Variants in SIPA1L2 observed in about 807,000 individuals in gnomAD.
The protein encoded by SIPA1L2 is signal-induced proliferation-associated 1-like protein 2.
A neutral mutation model predicts 163.9 loss-of-function variants in SIPA1L2; 56 were observed. The ratio of observed to expected loss-of-function variants is 0.34; its 90% CI spans 0.28 to 0.43. The LOEUF (loss-of-function observed/expected upper bound fraction) is 0.43, where lower values mean the gene tolerates loss of function less well. SIPA1L2 is among the 20% of genes least tolerant of loss of function. SIPA1L2 has a pLI of 1.00. For missense variants in SIPA1L2, 1,974 were observed against 2,193.5 expected (o/e 0.90, Z 2.00); for synonymous variants, 877 against 865.7 (o/e 1.01, Z -0.23).
At chr1:232,524,308 A>AC (rs1363604307) in intron 2 of SIPA1L2, among the ~76,000 whole-genome samples, 2 of 152,098 alleles carry the variant, frequency 1.3e-5, no homozygotes, top group Non-Finnish European at 2.9e-5. Context: ...ATAGTATACC[A>AC]CTTCTGACCA....
At chr1:232,480,601 G>A (rs917170032) in intron 6 of SIPA1L2, among the ~76,000 whole-genome samples, 2 of 152,106 alleles carry the variant, frequency 1.3e-5, no homozygotes, top group Non-Finnish European at 2.9e-5. Context: ...TAATTTTGGA[G>A]TAAAGTTCTG....
chr1:232,514,989 C>G lies in SIPA1L2; in HGVS notation c.351G>C (p.Gly117=), dbSNP rs767727300. Residue 117 remains glycine (G), a synonymous_variant, in exon 3 of 23, where the codon GGG becomes GGC. Coordinates refer to ENST00000674635, the MANE Select transcript of SIPA1L2 (RefSeq NM_020808.5). ...YESITSVLQN[G]QSDQSEGQQD... ...GCTGACCTTCACTCTGGTCACTCTG[C>G]CCATTCTGCAGGACAGAAGTGATGC... The G allele has an allele frequency of 1.9e-6, 3 of 1,614,152 alleles. No homozygotes were observed. In the South Asian group the frequency reaches 3.3e-5, roughly 18 times the overall value.
chr1:232,599,952 T>G (rs1483783037), intron 1 of SIPA1L2, among the ~76,000 whole-genome samples: 4 of 152,248 alleles, frequency 2.6e-5, no homozygotes, highest in African/African-American at 9.6e-5. Context: ...GATGAAAAAT[T>G]TAGCAACTAA....
Position 232,443,583 on chromosome 1 carries a change from A to C in SIPA1L2, c.3437+19T>G. 1 of 1,552,392 alleles carries C rather than the reference A, an allele frequency of 6.4e-7. No homozygotes were observed. Among genetic ancestry groups the C allele is most frequent in the Admixed American group, 1.9e-5 (1 of 51,658 alleles). Reference sequence around the variant, plus strand: ...ACAGGTTCCTCCCAGTGGATAACTAAGATAAAAATGAACAGTACCCGTCGT... The same window carrying C: ...ACAGGTTCCTCCCAGTGGATAACTACGATAAAAATGAACAGTACCCGTCGT... On this transcript the variant is annotated intron_variant, in intron 12 of 22. Coordinates refer to ENST00000674635, the MANE Select transcript of SIPA1L2 (RefSeq NM_020808.5).
intron 2 of SIPA1L2, among the ~76,000 whole-genome samples, chr1:232,550,735 A>G (rs1198241988): frequency 6.6e-6 from 1 of 152,244 alleles, no homozygotes; most frequent in East Asian, 1.9e-4. Flanking sequence ...GAGGTGATGC[A>G]TTTCATTGAG....
At chr1:232,403,671 C>A (rs1319587930) in intron 20 of SIPA1L2, 100 bp from the exon 21 acceptor site, 1 of 1,427,180 alleles carries the variant, frequency 7.0e-7, no homozygotes, top group East Asian at 2.4e-5. Context: ...TCTTTTCCCC[C>A]CTTCAAACCA....
At position 232,550,166 on chromosome 1, in the gene SIPA1L2, G is replaced by A. The variant is rs537453849; in HGVS notation, c.-270+24008C>T. 3.1e-4 allele frequency among the ~76,000 whole-genome samples: 47 copies of A among 152,260 alleles called. No homozygotes were observed. The South Asian group carries it at 9.5e-3, about 31-fold the overall frequency. On this transcript the variant is annotated intron_variant, in intron 2 of 22. Coordinates refer to ENST00000674635, the MANE Select transcript of SIPA1L2 (RefSeq NM_020808.5). The stretch of plus-strand genomic sequence containing the variant: ...ATGCTACTTCATTAGTTTACCAAAT[G>A]GCATCTTGCTATATTCAAAGGAGAG...
chr1:232,600,801 T>G (rs1661556873), intron 1 of SIPA1L2, among the ~76,000 whole-genome samples: 1 of 152,024 alleles, frequency 6.6e-6, no homozygotes, highest in South Asian at 2.1e-4. Context: ...CCAGGAAAAC[T>G]CATGGAAGCC....
chr1:232,488,975 C>A (rs977704114), intron 5 of SIPA1L2, among the ~76,000 whole-genome samples: 2 of 152,166 alleles, frequency 1.3e-5, no homozygotes, highest in Non-Finnish European at 2.9e-5. Context: ...TTACATCAGT[C>A]AACTTGTAGC....
At chr1:232,602,651 A>G (rs540070651) in intron 1 of SIPA1L2, among the ~76,000 whole-genome samples, 106 of 152,276 alleles carry the variant, frequency 7.0e-4, no homozygotes, top group African/African-American at 2.5e-3. Context: ...TTATTTAAGC[A>G]GGGAAGGCTC....
chr1:232,576,551 A>G (rs910035357), intron 1 of SIPA1L2, among the ~76,000 whole-genome samples: 3 of 152,230 alleles, frequency 2.0e-5, no homozygotes, highest in African/African-American at 7.2e-5. Context: ...TAGGCCAATT[A>G]ATAACCATAC....
chr1:232,627,144 C>T (rs1394544792), intron 1 of SIPA1L2, among the ~76,000 whole-genome samples: 2 of 152,162 alleles, frequency 1.3e-5, no homozygotes, highest in Non-Finnish European at 2.9e-5. Flanking sequence ...TCCTCAACTA[C>T]CACCATAAAT....
intron 2 of SIPA1L2, among the ~76,000 whole-genome samples, chr1:232,549,756 T>C (rs1658267108): frequency 6.6e-6 from 1 of 152,196 alleles, no homozygotes; most frequent in Admixed American, 6.5e-5. Context: ...TGATCCAACT[T>C]ACATTTCAAG....
intron 1 of SIPA1L2, among the ~76,000 whole-genome samples, chr1:232,577,123 T>C (rs893354197): frequency 2.0e-5 from 3 of 152,230 alleles, no homozygotes; most frequent in Non-Finnish European, 2.9e-5. Context: ...TTAATGCAGC[T>C]GGTGACTTTA....
rs371555680 is a variant in SIPA1L2, at chr1:232,493,551, G to A, written c.1593C>T (p.Tyr531=). The A allele has an allele frequency of 5.6e-6, 9 of 1,613,982 alleles. No individual in the cohort carries two copies. The highest frequency in any genetic ancestry group is 1.3e-5 in the African/African-American group (1 of 74,922). The change falls in exon 4 of 23, where the codon TAC becomes TAT. Residue 531 remains tyrosine (Y), a synonymous_variant. Coordinates refer to ENST00000674635, the MANE Select transcript of SIPA1L2 (RefSeq NM_020808.5). Reference sequence around the variant, plus strand: ...CCTCACTTGTCCTGAAAGCCACCCTGTAGTTGAACTGGGATCCTTCTTTCT... The same window carrying A: ...CCTCACTTGTCCTGAAAGCCACCCTATAGTTGAACTGGGATCCTTCTTTCT... ...AKEKEGSQFN[Y]RVAFRTSELT...
chr1:232,491,052 A>T lies in SIPA1L2; in HGVS notation c.1628T>A (p.Leu543Gln). The T allele has an allele frequency of 6.2e-7, 1 of 1,613,230 alleles. No individual in the cohort carries two copies. The highest frequency in any genetic ancestry group is 8.5e-7 in the Non-Finnish European group (1 of 1,179,626). Residue 543 changes from leucine to glutamine, a missense_variant, in exon 5 of 23, where the codon CTG (leucine) becomes CAG (glutamine). Physicochemically the swap from Leu to Gln is moderately radical, Grantham distance 113. Around this residue, in one of 3 missense-constraint regions of SIPA1L2, gnomAD observed 288 missense variants for 418.9 expected, o/e 0.69. Transcript: ENST00000674635. Reference sequence around the variant, plus strand: ...AGCATCTTCTAAAATTGCTCCTCTCAGTGTTGTAAGCTGCAGTGACAAAAC... The same window carrying T: ...AGCATCTTCTAAAATTGCTCCTCTCTGTGTTGTAAGCTGCAGTGACAAAAC... Reference protein sequence around the residue: ...VAFRTSELTTLRGAILEDAIP... With the variant: ...VAFRTSELTTQRGAILEDAIP...
chr1:232,540,380 C>T lies in SIPA1L2; in HGVS notation c.-269-24772G>A, dbSNP rs1357103445. ...AAGCAAGATGGCAATGAAGTGGCACCTTCAAACTGGAGTATTCATTTCACT... is the reference window on the plus strand; with the variant it reads ...AAGCAAGATGGCAATGAAGTGGCACTTTCAAACTGGAGTATTCATTTCACT... On this transcript the variant is annotated intron_variant, in intron 2 of 22. Transcript: ENST00000674635. 3.3e-5 allele frequency among the ~76,000 whole-genome samples: 5 copies of T among 152,248 alleles called. No individual in the cohort carries two copies. The East Asian group carries it at 5.8e-4, about 18-fold the overall frequency.
At chr1:232,558,816 T>C (rs906429961) in intron 2 of SIPA1L2, among the ~76,000 whole-genome samples, 1 of 152,184 alleles carries the variant, frequency 6.6e-6, no homozygotes, top group African/African-American at 2.4e-5. Context: ...TTTTAGTCAA[T>C]AGTAGTTTTT....
intron 1 of SIPA1L2, among the ~76,000 whole-genome samples, chr1:232,608,803 C>G (rs925784093): frequency 2.0e-5 from 3 of 152,052 alleles, no homozygotes; most frequent in African/African-American, 7.3e-5. Flanking sequence ...AGTGGCCAAG[C>G]AAGTGCCAGG....
Sources: allele counts gnomAD v4.1 joint callset (sites outside exome capture counted in the v4.1 genomes callset), GRCh38; gene constraint gnomAD v4.1.1; regional missense constraint gnomAD v4.1.1; transcripts MANE v1.5; gene names NCBI Gene and HGNC (gene_info 2026-07-23, HGNC 2026-07-21).